MSLN: variants seen among roughly 807,000 people sequenced by gnomAD.
MSLN encodes mesothelin, also known as CAK1 antigen.
Under a neutral mutation model 72.6 loss-of-function variants are expected in MSLN, and 82 were observed. That is an observed-to-expected ratio of 1.13 (90% confidence interval 0.94 to 1.36). The LOEUF is 1.36. Among genes scored for constraint, MSLN ranks in the 40% most tolerant of loss-of-function variants. The pLI, the probability that MSLN is intolerant of heterozygous loss-of-function variation, is 0.00. For synonymous variants in MSLN, 456 were observed against 387.3 expected, an observed-to-expected ratio of 1.18 and a Z score of -2.08; for missense variants, 1,005 against 847.9, an observed-to-expected ratio of 1.19 and a Z score of -2.30.
intron 4 of MSLN, 123 bp downstream of exon 4, chr16:763,399 G>T (rs2041561259): frequency 2.1e-6 from 2 of 947,812 alleles, no homozygotes; most frequent in Non-Finnish European, 3.2e-6. Flanking sequence ...CTTGCAAAGG[G>T]GCACCTGGAC....
chr16:764,084 C>G lies in MSLN; in HGVS notation c.241C>G (p.Arg81Gly), dbSNP rs753853566. Residue 81 changes from arginine to glycine, a missense_variant, in exon 6 of 18, where the codon CGT becomes GGT. By Grantham distance (125) the Arg-to-Gly change is moderately radical. Coordinates refer to ENST00000545450, the MANE Select transcript of MSLN (RefSeq NM_005823.6). Reference protein sequence around the residue: ...CAEVSGLSTERVRELAVALAQ... With the variant: ...CAEVSGLSTEGVRELAVALAQ... Reference sequence around the variant, plus strand: ...GGAGGTGTCCGGCCTGAGCACGGAGCGTGTCCGGGAGCTGGCTGTGGCCTT... The same window carrying G: ...GGAGGTGTCCGGCCTGAGCACGGAGGGTGTCCGGGAGCTGGCTGTGGCCTT... 1.2e-6 allele frequency: 2 copies of G among 1,606,328 alleles called. No individual in the cohort carries two copies. Among genetic ancestry groups the G allele is most frequent in the Admixed American group, 1.7e-5 (1 of 59,982 alleles).
chr16:761,366 C>T (rs1171122546), intron 2 of MSLN, among the ~76,000 whole-genome samples, 192 bp downstream of exon 2: 1 of 152,236 alleles, frequency 6.6e-6, no homozygotes, highest in African/African-American at 2.4e-5. Context: ...TAAGGCAGTG[C>T]AGGTGCCTCC....
At chr16:767,917 G>C (rs1354319243) in intron 16 of MSLN, among the ~76,000 whole-genome samples, 1 of 19,470 alleles carries the variant, frequency 5.1e-5, no homozygotes, top group South Asian at 2.1e-3. Flanking sequence ...AGGGGGGCGC[G>C]TGGAGGGGGC....
rs762077484 is a variant in MSLN at position 765,214 on chromosome 16, A to G, written c.615A>G (p.Leu205=). The G allele has an allele frequency of 1.7e-5, 27 of 1,587,630 alleles. No homozygotes were observed. In the South Asian group the frequency reaches 2.5e-4, roughly 15 times the overall value. ...RFVAESAEVL[L]PRLVSCPGPL... is the part of the protein sequence containing the mutation. ...TGGCCGAGTCGGCCGAAGTGCTGCT[A>G]CCCCGGCTGGTGAGCTGCCCGGGAC... Residue 205 remains leucine, a synonymous_variant, in exon 9 of 18, where the codon CTA becomes CTG. Coordinates refer to ENST00000545450, the MANE Select transcript of MSLN (RefSeq NM_005823.6).
rs1323615271 is a variant in MSLN, at chr16:762,719, TG to T, written c.42del (p.Thr15ProfsTer63). 3.1e-6 allele frequency: 5 copies of T among 1,607,930 alleles called. No homozygotes were observed. The South Asian group carries it at 3.3e-5, about 11-fold the overall frequency. ...CGGCTCGACCCCTGTTGGGGTCCTG[TG>T]GGACCCCCGCCCTCGGCAGCCTCCT... ...PTARPLLGSC[G>X]TPALGSLLFL... On this transcript the variant is annotated frameshift_variant, in exon 3 of 18. Transcript: ENST00000545450. LOFTEE classifies it high-confidence loss of function.
intron 16 of MSLN, 61 bp from the exon 17 acceptor site, chr16:768,318 G>C (rs2041668151): frequency 6.9e-7 from 1 of 1,456,868 alleles, no homozygotes; most frequent in African/African-American, 1.4e-5. Flanking sequence ...GAGCCTGGCA[G>C]CCCTCTGGCG....
chr16:763,200 C>A, intron 3 of MSLN, 33 bp from the exon 4 acceptor site: 2 of 1,470,570 alleles, frequency 1.4e-6, no homozygotes, highest in East Asian at 5.0e-5. Context: ...GAGGCCCGCC[C>A]CCTCCCCCAA....
chr16:767,488 A>C lies in MSLN; in HGVS notation c.1596+18A>C. The stretch of plus-strand genomic sequence containing the variant: ...CGGTGCTGGTATGGCGAGCGGGAGG[A>C]GGGGCGTGTGGAGGAGGGGCCCGTG... On this transcript the variant is annotated intron_variant, in intron 16 of 17. Transcript: ENST00000545450. 7.8e-7 allele frequency: 1 copy of C among 1,276,236 alleles called. No individual in the cohort carries two copies. Among genetic ancestry groups the C allele is most frequent in the Non-Finnish European group, 1.0e-6 (1 of 981,540 alleles). 79.1% of individuals were successfully genotyped at this position (1,276,236 alleles called of 1,614,324 possible). A position where few individuals can be genotyped will look rare whatever the true frequency, so the allele number is the denominator to read the frequency against.
intron 5 of MSLN, 110 bp downstream of exon 5, chr16:763,801 C>T: frequency 1.4e-6 from 1 of 694,796 alleles, no homozygotes; most frequent in Non-Finnish European, 2.4e-6. Flanking sequence ...TCCTCCTCTG[C>T]TCCACCTCAG....
intron 15 of MSLN, 67 bp from the exon 16 acceptor site, chr16:767,309 A>T: frequency 7.0e-7 from 1 of 1,422,104 alleles, no homozygotes; most frequent in Non-Finnish European, 9.9e-7. Context: ...GGCTTCCTGC[A>T]GCCTGTGGTC....
chr16:768,717 C>A lies in MSLN; in HGVS notation c.1853C>A (p.Ala618Asp). 1 of 1,610,860 alleles carries A rather than the reference C, an allele frequency of 6.2e-7. No homozygotes were observed. Among genetic ancestry groups the A allele is most frequent in the Non-Finnish European group, 8.5e-7 (1 of 1,179,554 alleles). Residue 618 changes from alanine to aspartate, a missense_variant, in exon 18 of 18, where the codon GCC becomes GAC. Ala to Asp is a moderately radical substitution (Grantham distance 126). Coordinates refer to ENST00000545450, the MANE Select transcript of MSLN (RefSeq NM_005823.6). ...PVLTVLALLL[A>D]STLA is the part of the protein sequence containing the mutation. ...CTCACCGTCCTGGCACTGCTCCTAG[C>A]CTCCACCCTGGCCTGAGGGCCCCAC...
Position 766,704 on chromosome 16 carries a change from G to A in MSLN, c.1267G>A (p.Gly423Ser), listed in dbSNP as rs765684785. ...GATCGACCGCTTTGTGAAGGGAAGG[G>A]GCCAGCTAGACAAAGACACCCTAGA... ...TLIDRFVKGR[G>S]QLDKDTLDTL... Residue 423 changes from glycine to serine, a missense_variant, in exon 14 of 18, where the codon GGC becomes AGC. Gly to Ser is a moderately conservative substitution (Grantham distance 56, BLOSUM62 0). Coordinates refer to ENST00000545450, the MANE Select transcript of MSLN (RefSeq NM_005823.6). The A allele has an allele frequency of 6.2e-7, 1 of 1,612,596 alleles. No individual in the cohort carries two copies. Among genetic ancestry groups the A allele is most frequent in the Admixed American group, 1.7e-5 (1 of 60,004 alleles).
rs2041603798 is a variant in MSLN, at chr16:766,086, C to T, written c.923C>T (p.Ala308Val). 1 of 1,611,858 alleles carries T rather than the reference C, an allele frequency of 6.2e-7. No homozygotes were observed. The highest frequency in any genetic ancestry group is 1.3e-5 in the African/African-American group (1 of 74,946). ...ACAGCCTGTCCTTCAGGCAAGAAGG[C>T]CCGCGAGATAGACGAGAGCCTCATC... Reference protein sequence around the residue: ...EKTACPSGKKAREIDESLIFY... With the variant: ...EKTACPSGKKVREIDESLIFY... The change falls in exon 12 of 18, where the codon GCC becomes GTC. Residue 308 changes from alanine to valine, a missense_variant. Physicochemically the swap from Ala to Val is moderately conservative, Grantham distance 64. Coordinates refer to ENST00000545450, the MANE Select transcript of MSLN (RefSeq NM_005823.6).
rs200244745 is a variant in MSLN at position 767,520 on chromosome 16, G to A, written c.1596+50G>A. On this transcript the variant is annotated intron_variant, in intron 16 of 17. Coordinates refer to ENST00000545450, the MANE Select transcript of MSLN (RefSeq NM_005823.6). Reference sequence around the variant, plus strand: ...TGTGGAGGAGGGGCCCGTGGAGGAGGGGCGAGTGGGAGGAGGGGCGCGTGG... The same window carrying A: ...TGTGGAGGAGGGGCCCGTGGAGGAGAGGCGAGTGGGAGGAGGGGCGCGTGG... 304 of 1,367,112 alleles carry A rather than the reference G, an allele frequency of 2.2e-4. 3 individuals carry two copies. Among genetic ancestry groups the A allele is most frequent in the Middle Eastern group, 1.5e-3 (6 of 4,006 alleles). The allele number at this position is 1,367,112 out of a possible 1,614,324, so 84.7% of individuals were successfully genotyped here.
chr16:767,091 G>A (rs956115185), intron 15 of MSLN, 79 bp downstream of exon 15: 10 of 1,589,738 alleles, frequency 6.3e-6, no homozygotes, highest in South Asian at 1.1e-5. Flanking sequence ...CCAGGCCTTT[G>A]CCTCGCCGGG....
chr16:763,053 C>A (rs1596689196), intron 3 of MSLN, among the ~76,000 whole-genome samples, 180 bp from the exon 4 acceptor site: 1 of 152,286 alleles, frequency 6.6e-6, no homozygotes, highest in East Asian at 1.9e-4. Flanking sequence ...GGAGTCCCGA[C>A]CCCTGTGCCT....
intron 12 of MSLN, 47 bp downstream of exon 12, chr16:766,284 C>A: frequency 3.1e-6 from 5 of 1,610,062 alleles, no homozygotes; most frequent in Non-Finnish European, 4.2e-6. Flanking sequence ...TCCAAGCCAT[C>A]CCCAGCCCCT....
intron 6 of MSLN, 151 bp downstream of exon 6, chr16:764,294 C>G (rs2041574695): frequency 1.7e-6 from 2 of 1,173,826 alleles, no homozygotes; most frequent in Non-Finnish European, 2.3e-6. Flanking sequence ...TCTGGCCACC[C>G]AAGCTGACCA....
At chr16:763,895 T>C in intron 5 of MSLN, 128 bp from the exon 6 acceptor site, 14 of 1,260,142 alleles carry the variant, frequency 1.1e-5, no homozygotes, top group Non-Finnish European at 1.4e-5. Context: ...TCACCTGGTC[T>C]TGGGGGGAGG....
Sources: gnomAD v4.1 joint callset for allele counts (sites outside exome capture counted in the v4.1 genomes callset) on GRCh38, gnomAD v4.1.1 for gene constraint, MANE v1.5 for transcripts, NCBI Gene and HGNC (gene_info 2026-07-23, HGNC 2026-07-21) for gene names.